Variants in SPNS2 observed in about 807,000 individuals in gnomAD.
The protein encoded by SPNS2 is sphingosine-1-phosphate transporter SPNS2.
Under a neutral mutation model 57.6 loss-of-function variants are expected in SPNS2, and 37 were observed. The observed-to-expected ratio is 0.64, with a 90% CI of 0.49 to 0.85. The LOEUF (loss-of-function observed/expected upper bound fraction) is 0.85. Among genes scored for constraint, SPNS2 ranks in the 40% least tolerant of loss-of-function variants. The probability of loss-of-function intolerance (pLI) is 0.00; values close to 1 mark genes in which losing one functional copy is unlikely to be tolerated. For missense variants in SPNS2, 831 were observed against 779.1 expected (o/e 1.07, Z -0.79); for synonymous variants, 440 against 346.9 (o/e 1.27, Z -2.98).
chr17:4,538,066 G>GTCTCACTGTCTCGGGTT lies in SPNS2; in HGVS notation c.*619_*635dup, dbSNP rs1055342281. 2.9e-6 allele frequency: 1 copy of GTCTCACTGTCTCGGGTT among 342,116 alleles called. No individual in the cohort carries two copies. Among genetic ancestry groups the GTCTCACTGTCTCGGGTT allele is most frequent in the African/African-American group, 2.1e-5 (1 of 46,538 alleles). The allele number at this position is 342,116 out of a possible 1,614,324, so 21.2% of individuals were successfully genotyped here. On this transcript the variant is annotated 3_prime_UTR_variant, in exon 13 of 13. Transcript: ENST00000329078. ...CTCTGGGTACTCCCTGGAGGACACT[G>GTCTCACTGTCTCGGGTT]TCTCACTGTCTCGGGTTGGCTCCCA... is the stretch of plus-strand genomic sequence containing the variant.
At chr17:4,537,325 CCAGGGT>C in intron 12 of SPNS2, 122 bp from the exon 13 acceptor site, 1 of 411,636 alleles carries the variant, frequency 2.4e-6, no homozygotes, top group African/African-American at 2.0e-5. Flanking sequence ...AGCACGAGAC[CCAGGGT>C]CACAGCTGCA....
At position 4,538,820 on chromosome 17, in the gene SPNS2, T is replaced by TCCAAAGACCAGCCTCCA. The variant is rs1906035932; in HGVS notation, c.*1375_*1391dup. ...AGAGGATGGGGTGGGGGTGGCATCC[T>TCCAAAGACCAGCCTCCA]CCAAAGACCAGCCTCCACCCCCACT... On this transcript the variant is annotated 3_prime_UTR_variant, in exon 13 of 13. Transcript: ENST00000329078. The TCCAAAGACCAGCCTCCA allele has an allele frequency of 7.8e-6, 6 of 771,154 alleles. No homozygotes were observed. In the South Asian group the frequency reaches 8.1e-5, roughly 10 times the overall value. 47.8% of individuals were successfully genotyped at this position (771,154 alleles called of 1,614,324 possible).
At position 4,529,913 on chromosome 17, in the gene SPNS2, C is replaced by G. The variant is rs561437156; in HGVS notation, c.574-719C>G. On this transcript the variant is annotated intron_variant, in intron 3 of 12. Coordinates refer to ENST00000329078, the MANE Select transcript of SPNS2 (RefSeq NM_001124758.3). ...CAGATGGAGGGAAGTCAGGGAGACC[C>G]GGGGGAGGGCTGGACGCGGGCGATG... is the stretch of plus-strand genomic sequence containing the variant. 1.2e-4 allele frequency among the ~76,000 whole-genome samples: 19 copies of G among 152,124 alleles called. No homozygotes were observed. In the South Asian group the frequency reaches 3.1e-3, roughly 25 times the overall value.
chr17:4,536,497 T>C (rs889274934), intron 11 of SPNS2, 71 bp downstream of exon 11: 243 of 1,460,838 alleles, frequency 1.7e-4, no homozygotes, highest in Admixed American at 7.2e-5. Flanking sequence ...CCGTGAGCCC[T>C]GCCCTGGGGT....
At chr17:4,535,264 C>T (rs1008011798) in intron 9 of SPNS2, among the ~76,000 whole-genome samples, 1 of 152,170 alleles carries the variant, frequency 6.6e-6, no homozygotes, top group African/African-American at 2.4e-5. Context: ...GTCTGGGGCC[C>T]AGCAGTGCCG....
Position 4,510,247 on chromosome 17 carries a change from T to C in SPNS2, c.371-3000T>C, listed in dbSNP as rs973974218. ...TCCCTGGGAAGGTTCTCTCTGGTCT[T>C]CTTCCTGGAGCTTGGACTTGGACCC... On this transcript the variant is annotated intron_variant, in intron 1 of 12. Transcript: ENST00000329078. This position sits in a 1 kb window ranked among gnomAD's most constrained non-coding sequence, Gnocchi z 4.4. 6.6e-6 allele frequency among the ~76,000 whole-genome samples: 1 copy of C among 152,202 alleles called. No homozygotes were observed. Among genetic ancestry groups the C allele is most frequent in the African/African-American group, 2.4e-5 (1 of 41,454 alleles).
At chr17:4,533,659 T>A in intron 8 of SPNS2, 129 bp from the exon 9 acceptor site, 1 of 1,130,862 alleles carries the variant, frequency 8.8e-7, no homozygotes, top group Non-Finnish European at 1.3e-6. Flanking sequence ...AGCCCATGAA[T>A]GGATGTGGGC....
intron 4 of SPNS2, 60 bp downstream of exon 4, chr17:4,530,843 T>C (rs550000999): frequency 8.2e-6 from 13 of 1,575,938 alleles, no homozygotes; most frequent in African/African-American, 1.3e-5. Context: ...CTTGGACTTC[T>C]GAGTTCTCCC....
chr17:4,536,794 C>T (rs1327262611), intron 11 of SPNS2, 106 bp from the exon 12 acceptor site: 3 of 943,606 alleles, frequency 3.2e-6, no homozygotes, highest in Non-Finnish European at 5.1e-6. Context: ...AGGTCCCTGC[C>T]CAGCACCTCC....
At chr17:4,516,316 CAAAAAAAAA>C (rs67710825) in intron 2 of SPNS2, among the ~76,000 whole-genome samples, 1 of 67,508 alleles carries the variant, frequency 1.5e-5, no homozygotes, top group Non-Finnish European at 2.5e-5. Context: ...TCTATCTCCC[CAAAAAAAAA>C]AAAAAAAAAA....
At position 4,499,442 on chromosome 17, in the gene SPNS2, G is replaced by A. The variant is rs1904397388; in HGVS notation, c.370+25G>A. On this transcript the variant is annotated intron_variant, in intron 1 of 12. Transcript: ENST00000329078. The surrounding 1 kb of genome is among the most constrained non-coding windows in gnomAD (Gnocchi z 5.2). ...GGTGAGCGAGTGCCCCACCCAGCCC[G>A]AGGACCAAGACCCCACCCCATCCCA... 7.8e-7 allele frequency: 1 copy of A among 1,290,022 alleles called. No individual in the cohort carries two copies. The highest frequency in any genetic ancestry group is 9.9e-7 in the Non-Finnish European group (1 of 1,010,232). 79.9% of individuals were successfully genotyped at this position (1,290,022 alleles called of 1,614,324 possible). A position where few individuals can be genotyped will look rare whatever the true frequency, so the allele number is the denominator to read the frequency against.
chr17:4,516,350 A>G (rs893116863), intron 2 of SPNS2, among the ~76,000 whole-genome samples: 9 of 73,262 alleles, frequency 1.2e-4, no homozygotes, highest in Non-Finnish European at 2.2e-4. Flanking sequence ...AAAACAAAAA[A>G]ACCGCTCATA....
At chr17:4,537,406 A>G (rs1280571859) in intron 12 of SPNS2, 47 bp from the exon 13 acceptor site, 1 of 417,644 alleles carries the variant, frequency 2.4e-6, no homozygotes, top group Non-Finnish European at 4.9e-6. Context: ...CAGCCTTGGC[A>G]CAGGCCCCAC....
intron 2 of SPNS2, among the ~76,000 whole-genome samples, chr17:4,519,744 G>T (rs1905092549): frequency 6.6e-6 from 1 of 152,154 alleles, no homozygotes; most frequent in Non-Finnish European, 1.5e-5. Flanking sequence ...GTGGGCAGGG[G>T]AAGCTTCTAG....
chr17:4,502,739 C>T (rs1003552130), intron 1 of SPNS2, among the ~76,000 whole-genome samples: 3 of 152,194 alleles, frequency 2.0e-5, no homozygotes, highest in Admixed American at 6.5e-5. Context: ...CGAGTGCCAG[C>T]TGCCTTCTCC....
intron 7 of SPNS2, 52 bp from the exon 8 acceptor site, chr17:4,533,191 C>G: frequency 1.3e-6 from 2 of 1,581,734 alleles, no homozygotes; most frequent in Non-Finnish European, 1.7e-6. Context: ...AGCCCCTCAG[C>G]CTTAGCCCTG....
chr17:4,500,154 C>T (rs138871084), intron 1 of SPNS2, among the ~76,000 whole-genome samples: 92 of 152,296 alleles, frequency 6.0e-4, no homozygotes, highest in Non-Finnish European at 1.1e-3. Flanking sequence ...CGTGGAGCCT[C>T]ATCCTCAGGG....
intron 2 of SPNS2, among the ~76,000 whole-genome samples, chr17:4,522,303 T>C (rs1443107068): frequency 6.6e-6 from 1 of 152,206 alleles, no homozygotes; most frequent in African/African-American, 2.4e-5. Flanking sequence ...AGACACAGAA[T>C]GGCTGTGGCC....
At chr17:4,537,409 GGCCCCACTAA>G (rs756444345) in intron 12 of SPNS2, 34 bp from the exon 13 acceptor site, 8 of 420,986 alleles carry the variant, frequency 1.9e-5, no homozygotes, top group South Asian at 8.6e-5. Flanking sequence ...CCTTGGCACA[GGCCCCACTAA>G]GCCCCACTGC....
Sources: gnomAD v4.1 joint callset for allele counts (sites outside exome capture counted in the v4.1 genomes callset) on GRCh38, gnomAD v4.1.1 for gene constraint, Gnocchi (gnomAD v3.1) non-coding constraint, MANE v1.5 for transcripts, NCBI Gene and HGNC (gene_info 2026-07-23, HGNC 2026-07-21) for gene names.